CDK13: variants seen among roughly 807,000 people sequenced by gnomAD.
The protein encoded by CDK13 is cyclin dependent kinase 13, also known as cyclin-dependent kinase 13.
A neutral mutation model predicts 137.6 loss-of-function variants in CDK13; 40 were observed. The ratio of observed to expected loss-of-function variants is 0.29; its 90% CI spans 0.23 to 0.38. The LOEUF (loss-of-function observed/expected upper bound fraction) is 0.38. CDK13 is among the 10% of genes least tolerant of loss of function. The pLI is 1.00. For synonymous variants in CDK13, 869 were observed against 760.1 expected (o/e 1.14, Z -2.36); for missense variants, 1,704 against 1,951.8 (o/e 0.87, Z 2.39).
intron 9 of CDK13, chr7:40,068,000 C>T (rs543952882): frequency 6.0e-5 from 9 of 151,182 alleles, no homozygotes; most frequent in African/African-American, 2.2e-4. Flanking sequence ...GAGGCTGAAA[C>T]ACAATAATTG....
rs556539412 is a variant in CDK13 at position 39,974,595 on chromosome 7, C to T, written c.1212-13004C>T. Among the ~76,000 whole-genome samples the T allele has an allele frequency of 1.9e-3, 281 of 148,350 alleles. 2 individuals are homozygous for T. Among genetic ancestry groups the T allele is most frequent in the Non-Finnish European group, 3.1e-3 (209 of 67,470 alleles). On this transcript the variant is annotated intron_variant, in intron 1 of 13. Transcript: ENST00000181839. The stretch of plus-strand genomic sequence containing the variant: ...TTTTTTGTTTTTTGAGATGAAGTCT[C>T]GCTGTGTCACCCAGGCTGGAGTGCA...
In CDK13 at chr7:40,098,040, C is replaced by T. The variant is rs1403673935; in HGVS notation, c.*3060C>T. On this transcript the variant is annotated 3_prime_UTR_variant, in exon 14 of 14. Coordinates refer to ENST00000181839, the MANE Select transcript of CDK13 (RefSeq NM_003718.5). ...AGAAGTTAGTGGTATTTGCTACCCT[C>T]AGCTGTATCTAAATTGCACTTAAGT... The T allele has an allele frequency of 6.6e-6, 1 of 152,050 alleles. No individual in the cohort carries two copies. The highest frequency in any genetic ancestry group is 1.5e-5 in the Non-Finnish European group (1 of 67,958). 9.4% of individuals were successfully genotyped at this position (152,050 alleles called of 1,614,324 possible). A position where few individuals can be genotyped will look rare whatever the true frequency, so the allele number is the denominator to read the frequency against.
rs141952700 is a variant in CDK13 at position 40,027,899 on chromosome 7, G to A, written c.2354-17937G>A. On this transcript the variant is annotated intron_variant, in intron 5 of 13. Transcript: ENST00000181839. ...AGGATAGGTTCTGAGAATAGAGCAAGCACTGAGAAATGGAGAGAAGGAACG... is the reference window on the plus strand; with the variant it reads ...AGGATAGGTTCTGAGAATAGAGCAAACACTGAGAAATGGAGAGAAGGAACG... Among the ~76,000 whole-genome samples, 65 of 152,162 alleles carry A rather than the reference G, an allele frequency of 4.3e-4. No homozygotes were observed. The East Asian group carries it at 0.012, about 29-fold the overall frequency.
intron 7 of CDK13, among the ~76,000 whole-genome samples, chr7:40,057,192 T>C (rs1584048429): frequency 6.6e-6 from 1 of 151,918 alleles, no homozygotes; most frequent in South Asian, 2.1e-4. Flanking sequence ...GAGGTGGAGG[T>C]TGCAGTGAGC....
intron 5 of CDK13, among the ~76,000 whole-genome samples, chr7:40,025,875 TA>T (rs1176097679): frequency 3.3e-5 from 5 of 152,272 alleles, no homozygotes; most frequent in African/African-American, 1.2e-4. Flanking sequence ...CTCTTAGTTT[TA>T]ATACCAGTTC....
At chr7:39,960,857 G>T (rs1235825820) in intron 1 of CDK13, among the ~76,000 whole-genome samples, 1 of 152,122 alleles carries the variant, frequency 6.6e-6, no homozygotes, top group Non-Finnish European at 1.5e-5. Context: ...TTACAGGCGT[G>T]AGCCACCGCA....
At chr7:40,084,458 A>G (rs890122635) in intron 11 of CDK13, among the ~76,000 whole-genome samples, 1 of 152,212 alleles carries the variant, frequency 6.6e-6, no homozygotes, top group Admixed American at 6.5e-5. Flanking sequence ...ACCCTGGGTG[A>G]CAAGAGTGAA....
chr7:40,024,189 C>G (rs1785188462), intron 5 of CDK13, among the ~76,000 whole-genome samples: 1 of 152,182 alleles, frequency 6.6e-6, no homozygotes, highest in Admixed American at 6.5e-5. Context: ...TCTGTATTTT[C>G]AACTGCTTCC....
At chr7:40,050,647 C>G (rs1460278571) in intron 7 of CDK13, among the ~76,000 whole-genome samples, 1 of 152,212 alleles carries the variant, frequency 6.6e-6, no homozygotes, top group African/African-American at 2.4e-5. Context: ...CCTGCCTTGG[C>G]CTCCCAAAGT....
intron 3 of CDK13, 124 bp from the exon 4 acceptor site, chr7:39,999,237 A>C: frequency 1.4e-6 from 1 of 712,636 alleles, no homozygotes; most frequent in South Asian, 2.5e-5. Flanking sequence ...AGATGATGAT[A>C]AATACTGCAA....
intron 5 of CDK13, among the ~76,000 whole-genome samples, chr7:40,024,375 G>A (rs928409624): frequency 6.6e-6 from 1 of 152,110 alleles, no homozygotes; most frequent in African/African-American, 2.4e-5. Context: ...GTACTGCCTC[G>A]CTTTGTCATT....
chr7:39,993,349 C>A (rs760308610), intron 2 of CDK13, among the ~76,000 whole-genome samples: 1 of 152,100 alleles, frequency 6.6e-6, no homozygotes, highest in Non-Finnish European at 1.5e-5. Flanking sequence ...CTCTTTTTTA[C>A]CCTCACATTG....
intron 5 of CDK13, among the ~76,000 whole-genome samples, chr7:40,002,647 A>G (rs1221501005): frequency 6.6e-6 from 1 of 152,176 alleles, no homozygotes; most frequent in Non-Finnish European, 1.5e-5. Flanking sequence ...CTTAAATCTT[A>G]TATTTTAGAT....
chr7:39,987,765 C>G lies in CDK13; in HGVS notation c.1378C>G (p.Arg460Gly), dbSNP rs1436829576. The stretch of plus-strand genomic sequence containing the variant: ...TGAATTGAACAAGAATAAAAAAGCA[C>G]GAGCAGCAGAGGCAGCAAGAGCCGC... Reference protein sequence around the residue: ...AAELNKNKKARAAEAARAAEA... With the variant: ...AAELNKNKKAGAAEAARAAEA... The change falls in exon 2 of 14, where the codon CGA becomes GGA. Residue 460 changes from arginine to glycine, a missense_variant. Physicochemically the swap from Arg to Gly is moderately radical, Grantham distance 125. Transcript: ENST00000181839. 1 of 1,614,066 alleles carries G rather than the reference C, an allele frequency of 6.2e-7. No individual in the cohort carries two copies. The highest frequency in any genetic ancestry group is 8.5e-7 in the Non-Finnish European group (1 of 1,179,998).
chr7:39,999,549 G>C (rs1336263485), intron 4 of CDK13, 49 bp downstream of exon 4: 2 of 1,521,342 alleles, frequency 1.3e-6, no homozygotes, highest in Admixed American at 4.4e-5. Context: ...AATGTACTTA[G>C]TTTGTGTTTC....
At chr7:39,952,231 G>T (rs776238822) in intron 1 of CDK13, 64 of 172,514 alleles carry the variant, frequency 3.7e-4, no homozygotes, top group Non-Finnish European at 5.7e-4. Context: ...CTGTGAAGAG[G>T]TTTCATTGTT....
chr7:39,966,618 A>G (rs191177195), intron 1 of CDK13, among the ~76,000 whole-genome samples: 1 of 152,206 alleles, frequency 6.6e-6, no homozygotes, highest in Admixed American at 6.5e-5. Flanking sequence ...GAACTCGTCG[A>G]AGTCATTCTC....
chr7:40,052,431 C>T (rs1331942408), intron 7 of CDK13, among the ~76,000 whole-genome samples: 1 of 152,194 alleles, frequency 6.6e-6, no homozygotes. Flanking sequence ...CCCACCTCTG[C>T]CTCCCAAAGT....
chr7:39,988,257 AGGT>A lies in CDK13; in HGVS notation c.1871_1871+2del. On this transcript the variant is annotated splice_donor_variant and coding_sequence_variant, in exon 2 of 14. Coordinates refer to ENST00000181839, the MANE Select transcript of CDK13 (RefSeq NM_003718.5). LOFTEE classifies it high-confidence loss of function. The stretch of plus-strand genomic sequence containing the variant: ...GCTGCCTGAAGATAAAGAAGCTGAT[AGGT>A]AAGTGCAAAAAGTATTTGTCAATAA... 6.3e-7 allele frequency: 1 copy of A among 1,587,822 alleles called. No homozygotes were observed. The highest frequency in any genetic ancestry group is 1.9e-5 in the Admixed American group (1 of 52,168).
Sources: gnomAD v4.1 joint callset for allele counts (sites outside exome capture counted in the v4.1 genomes callset) on GRCh38, gnomAD v4.1.1 for gene constraint, MANE v1.5 for transcripts, NCBI Gene and HGNC (gene_info 2026-07-23, HGNC 2026-07-21) for gene names.